Variants in RPH3A observed in about 807,000 individuals in gnomAD.
RPH3A encodes the protein rabphilin 3A.
A neutral mutation model predicts 102.2 loss-of-function variants in RPH3A; 48 were observed. The observed-to-expected ratio is 0.47, with a 90% CI of 0.37 to 0.60. The LOEUF is 0.60. Among genes scored for constraint, RPH3A ranks in the 20% least tolerant of loss-of-function variants. The pLI is 0.00. For synonymous variants in RPH3A, 310 were observed against 324.3 expected (o/e 0.96, Z 0.47); for missense variants, 781 against 910.1 (o/e 0.86, Z 1.83).
chr12:112,875,096 C>G lies in RPH3A; in HGVS notation c.809C>G (p.Ala270Gly). ...CTTTCCTCTGCAGGTTTGAGACGGG[C>G]CAACTCAGTCCAGGCCTCCAGACCT... ...SSRSPAGLRR[A>G]NSVQASRPAP... The change falls in exon 11 of 22, where the codon GCC becomes GGC. Residue 270 changes from alanine (A) to glycine (G), a missense_variant. This residue lies in a region of RPH3A where 730 missense variants were observed against 810.0 expected (regional missense o/e 0.90). Coordinates refer to ENST00000389385, the MANE Select transcript of RPH3A (RefSeq NM_001143854.2). The G allele has an allele frequency of 1.2e-6, 2 of 1,608,704 alleles. No individual in the cohort carries two copies. Among genetic ancestry groups the G allele is most frequent in the Non-Finnish European group, 1.7e-6 (2 of 1,178,058 alleles).
At chr12:112,702,851 A>G (rs1405651313) in intron 1 of RPH3A, among the ~76,000 whole-genome samples, 1 of 152,230 alleles carries the variant, frequency 6.6e-6, no homozygotes, top group Non-Finnish European at 1.5e-5. Flanking sequence ...TTTTTGTATT[A>G]GGTTAATTCA....
intron 5 of RPH3A, among the ~76,000 whole-genome samples, chr12:112,865,092 T>C (rs748008918): frequency 3.3e-5 from 5 of 152,090 alleles, no homozygotes; most frequent in Non-Finnish European, 5.9e-5. Flanking sequence ...GACAGATAAA[T>C]AGACCTAAAT....
chr12:112,735,252 AG>A (rs2040661060), intron 1 of RPH3A, among the ~76,000 whole-genome samples: 1 of 152,208 alleles, frequency 6.6e-6, no homozygotes, highest in Non-Finnish European at 1.5e-5. Context: ...ATTCACTGGG[AG>A]GTTAAACTCT....
At chr12:112,775,116 T>C (rs1487693933) in intron 1 of RPH3A, among the ~76,000 whole-genome samples, 1 of 152,132 alleles carries the variant, frequency 6.6e-6, no homozygotes, top group African/African-American at 2.4e-5. Context: ...CTGGGCTTAA[T>C]ACCTAGGTGA....
intron 1 of RPH3A, among the ~76,000 whole-genome samples, chr12:112,727,294 G>A (rs2136045994): frequency 6.6e-6 from 1 of 151,354 alleles, no homozygotes; most frequent in South Asian, 2.1e-4. Context: ...GGGAGGCTGA[G>A]GCAGGAGAAT....
intron 1 of RPH3A, among the ~76,000 whole-genome samples, chr12:112,742,227 T>C (rs1042070682): frequency 2.0e-5 from 3 of 152,214 alleles, no homozygotes; most frequent in African/African-American, 7.2e-5. Flanking sequence ...CCATGATAGA[T>C]GTCTCTTCTT....
rs1566255220 is a variant in RPH3A at position 112,678,287 on chromosome 12, A to AGAGAG, written c.-140+102968_-140+102969insGAGAG. Reference sequence around the variant, plus strand: ...AAAGAAAGAAAGAAAGAAAGAAAGAAAGAAAGAAAGAAAGAAAGAGAGAGA... The same window carrying AGAGAG: ...AAAGAAAGAAAGAAAGAAAGAAAGAAGAGAGAGAAAGAAAGAAAGAAAGAGAGAGA... On this transcript the variant is annotated intron_variant, in intron 1 of 21. Coordinates refer to the RPH3A transcript ENST00000543106. 3.1e-4 allele frequency among the ~76,000 whole-genome samples: 11 copies of AGAGAG among 35,642 alleles called. 1 individual carries two copies. Among genetic ancestry groups the AGAGAG allele is most frequent in the African/African-American group, 1.4e-3 (7 of 5,088 alleles). 23.4% of individuals were successfully genotyped at this position (35,642 alleles called of 152,430 possible).
At chr12:112,818,054 T>C (rs2041708437) in intron 2 of RPH3A, among the ~76,000 whole-genome samples, 1 of 152,178 alleles carries the variant, frequency 6.6e-6, no homozygotes, top group Non-Finnish European at 1.5e-5. Flanking sequence ...GGCTCACGCC[T>C]GTAATCCCAG....
chr12:112,612,755 T>C (rs2039648841), intron 1 of RPH3A, among the ~76,000 whole-genome samples: 1 of 151,594 alleles, frequency 6.6e-6, no homozygotes, highest in South Asian at 2.1e-4. Flanking sequence ...CTTTTTTTTT[T>C]GTAGAGACTG....
At position 112,690,897 on chromosome 12, in the gene RPH3A, C is replaced by T. The variant is rs142330314; in HGVS notation, c.-139-101246C>T. On this transcript the variant is annotated intron_variant, in intron 1 of 21. Coordinates refer to the RPH3A transcript ENST00000543106. ...TCATTCCAAAAGCATGGGGGGGATA[C>T]TTGAAGGGGCAGGAAAGGAGAGGGT... 2.3e-3 allele frequency among the ~76,000 whole-genome samples: 356 copies of T among 152,162 alleles called. 6 individuals are homozygous for T. The highest frequency in any genetic ancestry group is 8.2e-3 in the African/African-American group (339 of 41,518).
chr12:112,882,918 G>T (rs1031725299), intron 15 of RPH3A, among the ~76,000 whole-genome samples: 2 of 152,148 alleles, frequency 1.3e-5, no homozygotes, highest in African/African-American at 4.8e-5. Context: ...GGTACTATCT[G>T]GGGGGAACAG....
intron 1 of RPH3A, among the ~76,000 whole-genome samples, chr12:112,781,635 C>T (rs889185163): frequency 1.3e-5 from 2 of 152,200 alleles, no homozygotes; most frequent in South Asian, 4.1e-4. Flanking sequence ...GTAAGAACCT[C>T]TCACCCAGGA....
At chr12:112,680,664 C>T (rs2040220042) in intron 1 of RPH3A, among the ~76,000 whole-genome samples, 1 of 152,138 alleles carries the variant, frequency 6.6e-6, no homozygotes, top group South Asian at 2.1e-4. Flanking sequence ...CCCTCCTCTA[C>T]CCCACAGGAC....
chr12:112,658,680 A>T (rs1473570551), intron 1 of RPH3A, among the ~76,000 whole-genome samples: 7 of 152,216 alleles, frequency 4.6e-5, no homozygotes, highest in Admixed American at 4.6e-4. Context: ...CTGAGCCAAC[A>T]GGATTGCTGA....
chr12:112,793,833 A>C (rs1006163944), intron 2 of RPH3A, among the ~76,000 whole-genome samples: 2 of 152,058 alleles, frequency 1.3e-5, no homozygotes, highest in Non-Finnish European at 2.9e-5. Context: ...CTGAGTGTTA[A>C]TCTTTTAATT....
At chr12:112,820,458 C>T (rs1426779512) in intron 2 of RPH3A, among the ~76,000 whole-genome samples, 1 of 152,252 alleles carries the variant, frequency 6.6e-6, no homozygotes, top group African/African-American at 2.4e-5. Flanking sequence ...CCCAGATCTG[C>T]CGGTCGCTGG....
chr12:112,678,279 AAGAAAGAAAGAAAGAAAGAAAGAAAGAG>A (rs2040197810), intron 1 of RPH3A, among the ~76,000 whole-genome samples: 2 of 64,806 alleles, frequency 3.1e-5, no homozygotes, highest in African/African-American at 2.1e-4. Context: ...GAAAGAAAGA[AAGAAAGAAAGAAAGAAAGAAAGAAAGAG>A]AGAGAGAGAG....
intron 2 of RPH3A, among the ~76,000 whole-genome samples, chr12:112,792,982 C>T (rs1202819195): frequency 2.0e-5 from 3 of 152,154 alleles, no homozygotes; most frequent in Non-Finnish European, 4.4e-5. Context: ...CGTCCTGGCA[C>T]TAGCTTGGGA....
At chr12:112,585,961 G>T (rs1788308448) in intron 1 of RPH3A, among the ~76,000 whole-genome samples, 2 of 152,188 alleles carry the variant, frequency 1.3e-5, no homozygotes. Context: ...GACCAAGGAG[G>T]TGGAGGTGTG....
Sources: gnomAD v4.1 joint callset for allele counts (sites outside exome capture counted in the v4.1 genomes callset) on GRCh38, gnomAD v4.1.1 for gene constraint, gnomAD v4.1.1 regional missense constraint, MANE v1.5 for transcripts, NCBI Gene and HGNC (gene_info 2026-07-23, HGNC 2026-07-21) for gene names.